MINK1: variants seen among roughly 807,000 people sequenced by gnomAD.
MINK1 encodes misshapen like kinase 1, also known as misshapen-like kinase 1.
A neutral mutation model predicts 178.4 loss-of-function variants in MINK1; 46 were observed. The observed-to-expected ratio is 0.26, with a 90% CI of 0.20 to 0.33. The LOEUF (loss-of-function observed/expected upper bound fraction) is 0.33. Ranked by LOEUF, MINK1 falls within the 10% of genes least tolerant of loss-of-function variation. The pLI is 1.00. For missense variants in MINK1, 1,366 were observed against 1,814.9 expected, an observed-to-expected ratio of 0.75 and a Z score of 4.49; for synonymous variants, 797 against 709.7, an observed-to-expected ratio of 1.12 and a Z score of -1.96.
At chr17:4,834,695 CA>C in intron 1 of MINK1, 1 of 514,536 alleles carries the variant, frequency 1.9e-6, no homozygotes, top group Non-Finnish European at 3.9e-6. Flanking sequence ...TCCAGACTAT[CA>C]GCCAGGTGGT....
At chr17:4,883,371 A>AT (rs1967888934) in intron 4 of MINK1, 2 of 111,372 alleles carry the variant, frequency 1.8e-5, no homozygotes, top group Admixed American at 8.7e-5. Context: ...CGCCCGGCTA[A>AT]TTTTTTGTAT....
intron 1 of MINK1, among the ~76,000 whole-genome samples, chr17:4,858,586 C>T (rs1913577623): frequency 6.6e-6 from 1 of 151,632 alleles, no homozygotes; most frequent in South Asian, 2.1e-4. Flanking sequence ...AAGTGATTCT[C>T]ATGCCTTACC....
rs376444701 is a variant in MINK1 at position 4,846,398 on chromosome 17, A to G, written c.57+12758A>G. Among the ~76,000 whole-genome samples, 190 of 152,248 alleles carry G rather than the reference A, an allele frequency of 1.2e-3. 1 individual carries two copies. The highest frequency in any genetic ancestry group is 4.5e-3 in the African/African-American group (186 of 41,550). ...ATACCGAATGGCCCTTCTCACCACA[A>G]TTCCTCTTACTGCAGTCTAAAGCGT... is the stretch of plus-strand genomic sequence containing the variant. On this transcript the variant is annotated intron_variant, in intron 1 of 31. Coordinates refer to ENST00000355280, the MANE Select transcript of MINK1 (RefSeq NM_153827.5).
chr17:4,892,386 T>G lies in MINK1; in HGVS notation c.2088-16T>G, dbSNP rs1379433874. On this transcript the variant is annotated splice_polypyrimidine_tract_variant and intron_variant, in intron 17 of 31. Coordinates refer to ENST00000355280, the MANE Select transcript of MINK1 (RefSeq NM_153827.5). The stretch of plus-strand genomic sequence containing the variant: ...CCCCCCGCCGCCCCCTCGGCACCCC[T>G]GTGCTCCCTTCACAGACCTCGCAGC... The G allele has an allele frequency of 1.0e-6, 1 of 999,988 alleles. No homozygotes were observed. The highest frequency in any genetic ancestry group is 1.3e-6 in the Non-Finnish European group (1 of 750,148). The allele number at this position is 999,988 out of a possible 1,614,324, so 61.9% of individuals were successfully genotyped here. A position where few individuals can be genotyped will look rare whatever the true frequency, so the allele number is the denominator to read the frequency against.
chr17:4,892,559 C>T (rs1968963804), intron 18 of MINK1, 47 bp downstream of exon 18: 1 of 1,541,328 alleles, frequency 6.5e-7, no homozygotes, highest in Non-Finnish European at 8.9e-7. Flanking sequence ...ACTTCTGCCA[C>T]CCGCTTCCCT....
intron 1 of MINK1, among the ~76,000 whole-genome samples, chr17:4,846,047 A>T (rs1910976361): frequency 6.6e-6 from 1 of 152,162 alleles, no homozygotes; most frequent in Non-Finnish European, 1.5e-5. Context: ...ATGGGGAAGG[A>T]GGAAAAAGGG....
At chr17:4,856,402 A>G (rs1263775827) in intron 1 of MINK1, among the ~76,000 whole-genome samples, 3 of 145,376 alleles carry the variant, frequency 2.1e-5, no homozygotes, top group Non-Finnish European at 4.5e-5. Flanking sequence ...TCACACACCC[A>G]CTCCCGTTTT....
chr17:4,897,575 T>C lies in MINK1; in HGVS notation c.*288T>C. ...TGGGCCTAGCCCCTCCCCCCTTTTC[T>C]CCATTTGAGAGGAGAGTGCTTGGGG... On this transcript the variant is annotated 3_prime_UTR_variant, in exon 32 of 32. Transcript: ENST00000355280. 2.7e-6 allele frequency: 1 copy of C among 368,470 alleles called. No homozygotes were observed. Among genetic ancestry groups the C allele is most frequent in the Non-Finnish European group, 5.0e-6 (1 of 200,950 alleles). The allele number at this position is 368,470 out of a possible 1,614,324, so 22.8% of individuals were successfully genotyped here. A position where few individuals can be genotyped will look rare whatever the true frequency, so the allele number is the denominator to read the frequency against.
chr17:4,837,747 C>T (rs915108819), intron 1 of MINK1, among the ~76,000 whole-genome samples: 3 of 152,202 alleles, frequency 2.0e-5, no homozygotes. Flanking sequence ...TTTTTACCAT[C>T]CAGCTCGAAG....
In MINK1 at chr17:4,887,264, G is replaced by C; in HGVS notation, c.1019+85G>C. 7.3e-7 allele frequency: 1 copy of C among 1,378,604 alleles called. No homozygotes were observed. The allele number at this position is 1,378,604 out of a possible 1,614,324, so 85.4% of individuals were successfully genotyped here. A position where few individuals can be genotyped will look rare whatever the true frequency, so the allele number is the denominator to read the frequency against. On this transcript the variant is annotated intron_variant, in intron 11 of 31. Coordinates refer to ENST00000355280, the MANE Select transcript of MINK1 (RefSeq NM_153827.5). This position sits in a 1 kb window ranked among gnomAD's most constrained non-coding sequence, Gnocchi z 7.6. ...TGGTGCTTGGCTTTGGGGACTCTCA[G>C]CCTGGGGGTGGTGGGCACAGAGAGG...
intron 1 of MINK1, chr17:4,834,757 G>C: frequency 3.8e-6 from 2 of 520,034 alleles, no homozygotes; most frequent in Non-Finnish European, 7.7e-6. Context: ...GGTGTGGGGA[G>C]AGCAGGACTT....
At chr17:4,854,845 G>C (rs575475082) in intron 1 of MINK1, 22 of 464,162 alleles carry the variant, frequency 4.7e-5, no homozygotes, top group Middle Eastern at 3.3e-4. Context: ...GGCAGGGTTA[G>C]CAGAGTGGAG....
intron 1 of MINK1, among the ~76,000 whole-genome samples, chr17:4,839,255 C>G (rs1909815883): frequency 1.3e-5 from 2 of 152,150 alleles, no homozygotes; most frequent in Non-Finnish European, 2.9e-5. Flanking sequence ...GACTCTTTTT[C>G]TTAACTGTTA....
In MINK1 at chr17:4,887,672, AGCAGCAGCAGCT is replaced by A. The variant is rs750893312; in HGVS notation, c.1124_1135del (p.Leu375_Gln378del). 4 of 1,563,712 alleles carry A rather than the reference AGCAGCAGCAGCT, an allele frequency of 2.6e-6. No individual in the cohort carries two copies. The South Asian group carries it at 3.5e-5, about 14-fold the overall frequency. On this transcript the variant is annotated inframe_deletion, in exon 12 of 32. Transcript: ENST00000355280. The surrounding 1 kb of genome is among the most constrained non-coding windows in gnomAD (Gnocchi z 7.6). The stretch of plus-strand genomic sequence containing the variant: ...AAGAGCAACTCAGAGGCTTTAAAAC[AGCAGCAGCAGCT>A]GCAGCAGCAGCAGCAGCGAGACCCC...
chr17:4,862,367 T>C (rs1914290954), intron 1 of MINK1, among the ~76,000 whole-genome samples: 1 of 152,118 alleles, frequency 6.6e-6, no homozygotes, highest in African/African-American at 2.4e-5. Context: ...AATTAGTTGG[T>C]GTGTGGGCCA....
In MINK1 at chr17:4,884,395, G is replaced by A. The variant is rs1156293426; in HGVS notation, c.339G>A (p.Val113=). ...LVMEFCGAGS[V]TDLVKNTKGN... Reference sequence around the variant, plus strand: ...TGGAGTTCTGTGGTGCTGGTTCAGTGACTGACCTGGTAAAGAACACAAAAG... The same window carrying A: ...TGGAGTTCTGTGGTGCTGGTTCAGTAACTGACCTGGTAAAGAACACAAAAG... Residue 113 remains valine (V), a synonymous_variant, in exon 5 of 32, where the codon GTG becomes GTA. Transcript: ENST00000355280. 1 of 1,613,932 alleles carries A rather than the reference G, an allele frequency of 6.2e-7. No individual in the cohort carries two copies. The highest frequency in any genetic ancestry group is 8.5e-7 in the Non-Finnish European group (1 of 1,179,852).
rs374407982 is a variant in MINK1 at position 4,834,520 on chromosome 17, G to T, written c.57+880G>T. Among the ~76,000 whole-genome samples the T allele has an allele frequency of 2.4e-4, 37 of 152,348 alleles. No individual in the cohort carries two copies. In the South Asian group the frequency reaches 3.9e-3, roughly 16 times the overall value. Reference sequence around the variant, plus strand: ...CAAGGTAGGGGCTAATAAGGAAAGGGGTTGAGAGGAAGCAAATGCTGCAGG... The same window carrying T: ...CAAGGTAGGGGCTAATAAGGAAAGGTGTTGAGAGGAAGCAAATGCTGCAGG... On this transcript the variant is annotated intron_variant, in intron 1 of 31. Coordinates refer to ENST00000355280, the MANE Select transcript of MINK1 (RefSeq NM_153827.5).
rs1969256643 is a variant in MINK1, at chr17:4,894,697, AGT to A, written c.2917+66_2917+67del. On this transcript the variant is annotated intron_variant, in intron 24 of 31. Coordinates refer to ENST00000355280, the MANE Select transcript of MINK1 (RefSeq NM_153827.5). This position sits in a 1 kb window ranked among gnomAD's most constrained non-coding sequence, Gnocchi z 4.1. ...CCAGGGGCAGCCTGGAGGGGAGCAC[AGT>A]GGTCTTGAGACGCAGCCTCACAAAG... 3 of 1,261,964 alleles carry A rather than the reference AGT, an allele frequency of 2.4e-6. No individual in the cohort carries two copies. The highest frequency in any genetic ancestry group is 3.4e-6 in the Non-Finnish European group (3 of 882,256). 78.2% of individuals were successfully genotyped at this position (1,261,964 alleles called of 1,614,324 possible). A position where few individuals can be genotyped will look rare whatever the true frequency, so the allele number is the denominator to read the frequency against.
At chr17:4,869,007 T>G (rs1280301300) in intron 1 of MINK1, 1 of 154,016 alleles carries the variant, frequency 6.5e-6, no homozygotes. Context: ...CACTGCAAGC[T>G]CTGCCTCCCA....
Sources: gnomAD v4.1 joint callset for allele counts (sites outside exome capture counted in the v4.1 genomes callset) on GRCh38, gnomAD v4.1.1 for gene constraint, Gnocchi (gnomAD v3.1) non-coding constraint, MANE v1.5 for transcripts, NCBI Gene and HGNC (gene_info 2026-07-23, HGNC 2026-07-21) for gene names.